CSMD1: variants seen among roughly 807,000 people sequenced by gnomAD.
CSMD1 encodes CUB and Sushi multiple domains 1.
A neutral mutation model predicts 417.5 loss-of-function variants in CSMD1; 213 were observed. The observed-to-expected ratio is 0.51, with a 90% confidence interval of 0.46 to 0.57. The LOEUF is 0.57. Ranked by LOEUF, CSMD1 falls within the 20% of genes least tolerant of loss-of-function variation. The probability of loss-of-function intolerance (pLI) is 0.00; values close to 1 mark genes in which losing one functional copy is unlikely to be tolerated. For synonymous variants in CSMD1, 2,862 were observed against 1,736.8 expected, an observed-to-expected ratio of 1.65 and a Z score of -16.11; for missense variants, 6,923 against 4,529.7, an observed-to-expected ratio of 1.53 and a Z score of -15.17.
chr8:4,548,458 A>G (rs1309394414), intron 2 of CSMD1, among the ~76,000 whole-genome samples: 1 of 152,188 alleles, frequency 6.6e-6, no homozygotes, highest in Non-Finnish European at 1.5e-5. Flanking sequence ...TATGAAATCA[A>G]TGTAATTGCA....
chr8:4,739,952 C>A (rs1441253518), intron 1 of CSMD1, among the ~76,000 whole-genome samples: 1 of 152,160 alleles, frequency 6.6e-6, no homozygotes, highest in African/African-American at 2.4e-5. Context: ...GCTCCATAGT[C>A]TGAGCTAGGG....
intron 3 of CSMD1, among the ~76,000 whole-genome samples, chr8:4,311,161 T>G (rs987748860): frequency 2.0e-5 from 3 of 152,126 alleles, no homozygotes; most frequent in African/African-American, 4.8e-5. Flanking sequence ...GTAAGCCCAG[T>G]GGAATATAAA....
At chr8:3,023,079 T>C (rs555625083) in intron 51 of CSMD1, among the ~76,000 whole-genome samples, 3 of 152,198 alleles carry the variant, frequency 2.0e-5, no homozygotes, top group African/African-American at 7.2e-5. Flanking sequence ...ACTCCAGCAA[T>C]GGAACGAAAT....
chr8:3,695,442 G>A (rs1800497921), intron 7 of CSMD1, among the ~76,000 whole-genome samples: 2 of 151,994 alleles, frequency 1.3e-5, no homozygotes, highest in Admixed American at 1.3e-4. Flanking sequence ...TTGGTAGATT[G>A]AATATTAATA....
chr8:3,486,641 T>C (rs1049904568), intron 11 of CSMD1, among the ~76,000 whole-genome samples: 23 of 152,334 alleles, frequency 1.5e-4, no homozygotes, highest in Non-Finnish European at 2.6e-4. Flanking sequence ...TTAGCTGAAA[T>C]GGAGCACCAC....
At chr8:3,505,275 C>G (rs1357536887) in intron 10 of CSMD1, among the ~76,000 whole-genome samples, 1 of 152,122 alleles carries the variant, frequency 6.6e-6, no homozygotes, top group East Asian at 1.9e-4. Flanking sequence ...GCAGAATTAA[C>G]ATTTACATCA....
chr8:3,242,194 A>T (rs1455668454), intron 26 of CSMD1, among the ~76,000 whole-genome samples: 14 of 152,068 alleles, frequency 9.2e-5, no homozygotes, highest in Non-Finnish European at 1.5e-5. Context: ...AGAATGAAAC[A>T]GTAAGCTGGA....
intron 3 of CSMD1, among the ~76,000 whole-genome samples, chr8:4,082,215 T>A (rs374447944): frequency 1.3e-5 from 2 of 152,264 alleles, no homozygotes; most frequent in African/African-American, 4.8e-5. Flanking sequence ...CCCAAAATTA[T>A]GACCACACAG....
intron 1 of CSMD1, among the ~76,000 whole-genome samples, chr8:4,815,211 G>C (rs1018986218): frequency 2.0e-5 from 3 of 151,974 alleles, no homozygotes; most frequent in African/African-American, 7.3e-5. Context: ...ACAAAGTTTT[G>C]TGGTTTCATC....
At chr8:3,899,111 T>C (rs1209663059) in intron 5 of CSMD1, among the ~76,000 whole-genome samples, 9 of 152,156 alleles carry the variant, frequency 5.9e-5, no homozygotes, top group Admixed American at 2.6e-4. Flanking sequence ...AATGCATAAG[T>C]ACTGACTGGC....
At chr8:3,291,014 T>C (rs972376554) in intron 25 of CSMD1, among the ~76,000 whole-genome samples, 1 of 151,740 alleles carries the variant, frequency 6.6e-6, no homozygotes, top group African/African-American at 2.4e-5. Context: ...CACCTAATTT[T>C]TTGAGAGTTT....
intron 1 of CSMD1, among the ~76,000 whole-genome samples, chr8:4,823,955 T>A (rs1480379839): frequency 6.6e-6 from 1 of 151,806 alleles, no homozygotes; most frequent in Non-Finnish European, 1.5e-5. Flanking sequence ...AGCACAAATC[T>A]AAGTGCACAC....
At chr8:4,635,214 A>T (rs957264794) in intron 2 of CSMD1, among the ~76,000 whole-genome samples, 32 of 152,180 alleles carry the variant, frequency 2.1e-4, no homozygotes, top group African/African-American at 7.7e-4. Flanking sequence ...AGAAAAAAAC[A>T]TTCTGTTGTA....
At chr8:3,495,661 G>A (rs765097865) in intron 10 of CSMD1, among the ~76,000 whole-genome samples, 6 of 152,190 alleles carry the variant, frequency 3.9e-5, no homozygotes, top group Non-Finnish European at 8.8e-5. Flanking sequence ...AATATATGCA[G>A]CTGTAAAATA....
chr8:4,836,986 G>A (rs975513089), intron 1 of CSMD1, among the ~76,000 whole-genome samples: 1 of 151,640 alleles, frequency 6.6e-6, no homozygotes, highest in Non-Finnish European at 1.5e-5. Context: ...TTTTTTTGTT[G>A]TTAAGAGACC....
intron 49 of CSMD1, among the ~76,000 whole-genome samples, chr8:3,063,363 G>C (rs1196676415): frequency 2.6e-5 from 4 of 152,174 alleles, no homozygotes; most frequent in South Asian, 2.1e-4. Flanking sequence ...TGCTGACAAA[G>C]ATGTGATAAA....
At chr8:4,033,879 G>A (rs557089693) in intron 3 of CSMD1, among the ~76,000 whole-genome samples, 8 of 152,134 alleles carry the variant, frequency 5.3e-5, no homozygotes, top group African/African-American at 1.9e-4. Flanking sequence ...TCAGTTGAAT[G>A]GATGAAATTC....
Position 3,799,061 on chromosome 8 carries a change from T to G in CSMD1, c.819-45019A>C, listed in dbSNP as rs541272159. ...ACAATCTTTGTATAGTATGCTTAAA[T>G]AATTAGAACATGAAAAACTTCCAAA... On this transcript the variant is annotated intron_variant, in intron 5 of 69. Transcript: ENST00000635120. Among the ~76,000 whole-genome samples the G allele has an allele frequency of 8.5e-5, 13 of 152,186 alleles. No homozygotes were observed. In the East Asian group the frequency reaches 2.5e-3, roughly 29 times the overall value.
chr8:3,688,006 A>G (rs934990757), intron 7 of CSMD1, among the ~76,000 whole-genome samples: 3 of 152,298 alleles, frequency 2.0e-5, no homozygotes, highest in Non-Finnish European at 4.4e-5. Flanking sequence ...TCTCTTTTAA[A>G]TCTGCAAATT....
Sources: allele counts gnomAD v4.1 joint callset (sites outside exome capture counted in the v4.1 genomes callset), GRCh38; gene constraint gnomAD v4.1.1; transcripts MANE v1.5; gene names NCBI Gene and HGNC (gene_info 2026-07-23, HGNC 2026-07-21).